Variants in MYCBP2 observed in about 807,000 individuals in gnomAD.
MYCBP2 encodes the protein MYC binding protein 2.
A neutral mutation model predicts 525.3 loss-of-function variants in MYCBP2; 120 were observed. That is an observed-to-expected ratio of 0.23 (90% CI 0.20 to 0.27). The LOEUF is 0.27. Ranked by LOEUF, MYCBP2 falls within the 10% of genes least tolerant of loss-of-function variation. The pLI, the probability that MYCBP2 is intolerant of heterozygous loss-of-function variation, is 1.00. For missense variants in MYCBP2, 4,149 were observed against 5,657.1 expected (o/e 0.73, Z 8.55); for synonymous variants, 1,894 against 1,955.8 (o/e 0.97, Z 0.83).
intron 59 of MYCBP2, 21 bp from the exon 60 acceptor site, chr13:77,090,284 C>T (rs1278331840): frequency 6.4e-7 from 1 of 1,571,878 alleles, no homozygotes; most frequent in Admixed American, 1.8e-5. Flanking sequence ...AACAATGCAA[C>T]AGATACAAAC....
At chr13:77,323,152 TA>T (rs1170808904) in intron 1 of MYCBP2, among the ~76,000 whole-genome samples, 1 of 152,170 alleles carries the variant, frequency 6.6e-6, no homozygotes, top group Non-Finnish European at 1.5e-5. Flanking sequence ...TCTACATATT[TA>T]AAAAACTGAG....
chr13:77,176,220 T>C (rs1034486527), intron 36 of MYCBP2, among the ~76,000 whole-genome samples: 4 of 152,128 alleles, frequency 2.6e-5, no homozygotes, highest in Admixed American at 2.0e-4. Flanking sequence ...GCCAGTGTCT[T>C]AAAGTCAGCA....
chr13:77,270,857 C>T (rs896949642), intron 5 of MYCBP2, among the ~76,000 whole-genome samples: 10 of 151,934 alleles, frequency 6.6e-5, no homozygotes, highest in Non-Finnish European at 8.8e-5. Flanking sequence ...TTGTCATTCT[C>T]GATCCATGTT....
intron 20 of MYCBP2, among the ~76,000 whole-genome samples, chr13:77,224,088 T>C (rs1027080103): frequency 1.3e-5 from 2 of 152,232 alleles, no homozygotes; most frequent in Non-Finnish European, 2.9e-5. Flanking sequence ...AGGAATATGT[T>C]TGAATCCATT....
In MYCBP2 at chr13:77,287,449, T is replaced by C. The variant is rs529493384; in HGVS notation, c.594+712A>G. ...ATCCACCCGCCTTGGCCTCCCAAAG[T>C]GCTGGGATTACAGGTGTGAGAGCCA... On this transcript the variant is annotated intron_variant, in intron 3 of 82. Transcript: ENST00000544440. 1.8e-4 allele frequency among the ~76,000 whole-genome samples: 28 copies of C among 152,042 alleles called. 1 individual carries two copies. The highest frequency in any genetic ancestry group is 3.4e-3 in the Middle Eastern group (1 of 292).
chr13:77,236,394 T>C (rs1212698141), intron 17 of MYCBP2, among the ~76,000 whole-genome samples: 1 of 152,100 alleles, frequency 6.6e-6, no homozygotes, highest in Admixed American at 6.6e-5. Flanking sequence ...CAGTGTTAAA[T>C]AGTACAAGCC....
chr13:77,071,593 T>C (rs1043352120), intron 68 of MYCBP2, among the ~76,000 whole-genome samples: 8 of 152,134 alleles, frequency 5.3e-5, no homozygotes, highest in Admixed American at 6.6e-5. Context: ...ATCCAGTTAG[T>C]TGGATACTTC....
intron 1 of MYCBP2, among the ~76,000 whole-genome samples, chr13:77,320,213 C>A (rs895255362): frequency 6.6e-6 from 1 of 152,180 alleles, no homozygotes; most frequent in African/African-American, 2.4e-5. Flanking sequence ...TGGCTCAGGG[C>A]AATGCGTGGA....
intron 52 of MYCBP2, among the ~76,000 whole-genome samples, chr13:77,135,197 C>A (rs1185913607): frequency 6.6e-6 from 1 of 152,198 alleles, no homozygotes; most frequent in Non-Finnish European, 1.5e-5. Flanking sequence ...AAGTTAGCAG[C>A]ATTGGTGTTT....
In MYCBP2 at chr13:77,326,935, C is replaced by G; in HGVS notation, c.-160G>C. On this transcript the variant is annotated 5_prime_UTR_variant, in exon 1 of 83. Transcript: ENST00000544440. The surrounding 1 kb of genome is among the most constrained non-coding windows in gnomAD (Gnocchi z 4.2). ...AAGACAGCGACCTCCTTCTCCTCCT[C>G]CTTCTTCTCCTCCTCCCCCCCGCGC... The G allele has an allele frequency of 1.7e-6, 1 of 577,290 alleles. No individual in the cohort carries two copies. The highest frequency in any genetic ancestry group is 2.7e-6 in the Non-Finnish European group (1 of 377,222). The allele number at this position is 577,290 out of a possible 1,614,324, so 35.8% of individuals were successfully genotyped here.
intron 18 of MYCBP2, 62 bp from the exon 19 acceptor site, chr13:77,225,616 T>C: frequency 6.3e-7 from 1 of 1,589,148 alleles, no homozygotes; most frequent in South Asian, 1.1e-5. Flanking sequence ...AATAAAAATT[T>C]AAATCAGTTT....
Position 77,044,912 on chromosome 13 carries a change from T to C in MYCBP2, c.*466A>G, listed in dbSNP as rs1309584426. On this transcript the variant is annotated 3_prime_UTR_variant, in exon 83 of 83. Coordinates refer to ENST00000544440, the MANE Select transcript of MYCBP2 (RefSeq NM_015057.5). ...TGTCCTAACACAATGTTTTTTTTTT[T>C]TTTAAATAACAGTCTAGGAAATAAA... 5.0e-6 allele frequency: 2 copies of C among 400,850 alleles called. No homozygotes were observed. Among genetic ancestry groups the C allele is most frequent in the African/African-American group, 4.1e-5 (2 of 48,646 alleles). The allele number at this position is 400,850 out of a possible 1,614,324, so 24.8% of individuals were successfully genotyped here. A position where few individuals can be genotyped will look rare whatever the true frequency, so the allele number is the denominator to read the frequency against.
intron 1 of MYCBP2, among the ~76,000 whole-genome samples, chr13:77,325,797 A>G (rs1352444995): frequency 3.3e-5 from 5 of 152,216 alleles, no homozygotes; most frequent in Non-Finnish European, 7.3e-5. Context: ...GAAGACCAAA[A>G]GGCCCGGTTA....
chr13:77,235,876 A>T (rs1026444133), intron 17 of MYCBP2, among the ~76,000 whole-genome samples: 1 of 152,148 alleles, frequency 6.6e-6, no homozygotes, highest in Admixed American at 6.5e-5. Flanking sequence ...AAAGGAGGTA[A>T]CAAGTAGCAT....
At chr13:77,201,477 A>T (rs1450020693) in intron 26 of MYCBP2, among the ~76,000 whole-genome samples, 1 of 152,210 alleles carries the variant, frequency 6.6e-6, no homozygotes, top group Admixed American at 6.5e-5. Flanking sequence ...AACATCAGAC[A>T]GATCAACAAG....
intron 2 of MYCBP2, among the ~76,000 whole-genome samples, chr13:77,294,019 G>A (rs1594730618): frequency 6.7e-6 from 1 of 148,396 alleles, no homozygotes; most frequent in African/African-American, 2.5e-5. Flanking sequence ...TCTAACCTGG[G>A]TAAGATGGAA....
intron 55 of MYCBP2, chr13:77,118,611 C>A: frequency 5.3e-6 from 3 of 567,416 alleles, no homozygotes; most frequent in Non-Finnish European, 9.5e-6. Context: ...AAAACCATGC[C>A]AATTCAGAAA....
At chr13:77,295,592 T>C (rs989647791) in intron 2 of MYCBP2, among the ~76,000 whole-genome samples, 13 of 152,338 alleles carry the variant, frequency 8.5e-5, no homozygotes, top group African/African-American at 2.6e-4. Flanking sequence ...TAGGAAACAA[T>C]TGCCTCTATA....
intron 54 of MYCBP2, among the ~76,000 whole-genome samples, chr13:77,123,294 T>G (rs892817832): frequency 6.6e-6 from 1 of 152,176 alleles, no homozygotes. Flanking sequence ...TCACCAAATA[T>G]CCATATTTAT....
Sources: gnomAD v4.1 joint callset for allele counts (sites outside exome capture counted in the v4.1 genomes callset) on GRCh38, gnomAD v4.1.1 for gene constraint, Gnocchi (gnomAD v3.1) non-coding constraint, MANE v1.5 for transcripts, NCBI Gene and HGNC (gene_info 2026-07-23, HGNC 2026-07-21) for gene names.